TMTC2: variants seen among roughly 807,000 people sequenced by gnomAD.
The protein encoded by TMTC2 is protein O-mannosyl-transferase TMTC2.
In TMTC2, 43 loss-of-function variants were observed where a neutral mutation model predicts 82.4. The observed-to-expected ratio is 0.52, with a 90% confidence interval of 0.41 to 0.67. TMTC2 has a LOEUF of 0.67. Among genes scored for constraint, TMTC2 ranks in the 30% least tolerant of loss-of-function variants. TMTC2 has a pLI of 0.00. For synonymous variants in TMTC2, 408 were observed against 381.9 expected (o/e 1.07, Z -0.80); for missense variants, 919 against 1,012.4 (o/e 0.91, Z 1.25).
At chr12:82,953,609 G>A (rs1360594211) in intron 4 of TMTC2, among the ~76,000 whole-genome samples, 1 of 151,962 alleles carries the variant, frequency 6.6e-6, no homozygotes, top group Non-Finnish European at 1.5e-5. Context: ...ATAATTCTTG[G>A]GAAAAAAGTG....
chr12:82,847,627 G>A (rs1870756800), intron 1 of TMTC2, among the ~76,000 whole-genome samples: 1 of 152,146 alleles, frequency 6.6e-6, no homozygotes, highest in African/African-American at 2.4e-5. Context: ...AACAAAGGAT[G>A]AATTCATGTC....
intron 2 of TMTC2, among the ~76,000 whole-genome samples, chr12:82,882,591 T>A (rs2137157720): frequency 6.6e-6 from 1 of 152,206 alleles, no homozygotes; most frequent in South Asian, 2.1e-4. Flanking sequence ...CTCAGCGGCC[T>A]TTTAAGGATT....
At chr12:82,820,384 T>C (rs1434806176) in intron 1 of TMTC2, among the ~76,000 whole-genome samples, 1 of 152,096 alleles carries the variant, frequency 6.6e-6, no homozygotes, top group African/African-American at 2.4e-5. Context: ...TCTCTTTTTT[T>C]TTTCGAGACA....
chr12:82,850,626 G>A (rs1186284536), intron 1 of TMTC2, among the ~76,000 whole-genome samples: 1 of 152,142 alleles, frequency 6.6e-6, no homozygotes, highest in African/African-American at 2.4e-5. Context: ...GAAAAGTAAT[G>A]AGAAGAGTAA....
In TMTC2 at chr12:82,930,425, T is replaced by A; in HGVS notation, c.1484-6T>A. 6.4e-7 allele frequency: 1 copy of A among 1,564,420 alleles called. No individual in the cohort carries two copies. Among genetic ancestry groups the A allele is most frequent in the Non-Finnish European group, 8.7e-7 (1 of 1,146,564 alleles). On this transcript the variant is annotated splice_region_variant and splice_polypyrimidine_tract_variant and intron_variant, in intron 3 of 11. Transcript: ENST00000321196. ...CAGTCTGAAAATTTCTTTTTCTTCT[T>A]GGCAGCATGGGGTAACCTTGGAAAT...
intron 1 of TMTC2, among the ~76,000 whole-genome samples, chr12:82,827,956 G>A (rs530213689): frequency 2.7e-5 from 4 of 150,062 alleles, no homozygotes; most frequent in Non-Finnish European, 5.9e-5. Flanking sequence ...GCAGTGGCAC[G>A]ATCTCGGCTC....
intron 1 of TMTC2, among the ~76,000 whole-genome samples, chr12:82,695,822 C>T (rs1048491814): frequency 2.0e-5 from 3 of 152,264 alleles, no homozygotes; most frequent in East Asian, 1.9e-4. Context: ...AGAACCATTC[C>T]GAAGAAGGGG....
At chr12:83,006,052 G>C (rs547259263) in intron 8 of TMTC2, among the ~76,000 whole-genome samples, 6 of 152,170 alleles carry the variant, frequency 3.9e-5, no homozygotes, top group African/African-American at 1.4e-4. Context: ...CCCCCTACCA[G>C]CTCAACTGTC....
intron 10 of TMTC2, 77 bp from the exon 11 acceptor site, chr12:83,061,691 A>G (rs1484507673): frequency 1.0e-4 from 135 of 1,297,698 alleles, no homozygotes; most frequent in Non-Finnish European, 1.4e-4. Context: ...AAAAATTAAC[A>G]TTATTTTACT....
intron 7 of TMTC2, among the ~76,000 whole-genome samples, chr12:82,981,453 C>T (rs1878915565): frequency 6.6e-6 from 1 of 151,814 alleles, no homozygotes; most frequent in African/African-American, 2.4e-5. Flanking sequence ...TTATGTCTGC[C>T]TGAAGCCAGC....
chr12:83,121,593 C>A (rs1884948651), intron 11 of TMTC2, among the ~76,000 whole-genome samples: 1 of 152,016 alleles, frequency 6.6e-6, no homozygotes, highest in South Asian at 2.1e-4. Context: ...GGGTTCTTAG[C>A]TTTGGTGGTT....
intron 1 of TMTC2, among the ~76,000 whole-genome samples, chr12:82,819,416 A>G (rs1868945337): frequency 6.6e-6 from 1 of 151,384 alleles, no homozygotes; most frequent in African/African-American, 2.4e-5. Flanking sequence ...TCTCCAGTTT[A>G]TCATGGTTCC....
At chr12:82,697,773 A>T (rs1186205898) in intron 1 of TMTC2, among the ~76,000 whole-genome samples, 2 of 152,220 alleles carry the variant, frequency 1.3e-5, no homozygotes, top group Non-Finnish European at 2.9e-5. Flanking sequence ...ACTGATACGC[A>T]GTTGCCTAGG....
At chr12:83,093,314 C>G (rs1369730569) in intron 11 of TMTC2, among the ~76,000 whole-genome samples, 1 of 152,116 alleles carries the variant, frequency 6.6e-6, no homozygotes, top group Admixed American at 6.5e-5. Flanking sequence ...CTGCCCTTGT[C>G]TGAACTTGAC....
chr12:82,715,575 A>G (rs184765740), intron 1 of TMTC2, among the ~76,000 whole-genome samples: 2 of 152,342 alleles, frequency 1.3e-5, no homozygotes, highest in East Asian at 3.9e-4. Context: ...TTCTTCCTGC[A>G]GTAAGAGTTC....
At chr12:82,961,192 CTATTATTATTATTATTATTAT>C (rs139490507) in intron 4 of TMTC2, among the ~76,000 whole-genome samples, 1 of 146,234 alleles carries the variant, frequency 6.8e-6, no homozygotes, top group African/African-American at 2.5e-5. Context: ...TTCTCTGCCA[CTATTATTATTATTATTATTAT>C]TATTATTATT....
At chr12:82,840,713 T>C (rs1870286016) in intron 1 of TMTC2, among the ~76,000 whole-genome samples, 1 of 152,188 alleles carries the variant, frequency 6.6e-6, no homozygotes, top group Non-Finnish European at 1.5e-5. Flanking sequence ...TCCAAGTATA[T>C]GAATTTGGGG....
At chr12:82,779,478 T>G (rs1475046648) in intron 1 of TMTC2, among the ~76,000 whole-genome samples, 1 of 152,158 alleles carries the variant, frequency 6.6e-6, no homozygotes, top group African/African-American at 2.4e-5. Flanking sequence ...AAGATAAACT[T>G]ATGATTAATA....
Position 83,132,198 on chromosome 12 carries a change from C to A in TMTC2, c.2332-12C>A. 1 of 1,579,092 alleles carries A rather than the reference C, an allele frequency of 6.3e-7. No homozygotes were observed. The highest frequency in any genetic ancestry group is 8.6e-7 in the Non-Finnish European group (1 of 1,165,798). On this transcript the variant is annotated splice_polypyrimidine_tract_variant and intron_variant, in intron 11 of 11. Transcript: ENST00000321196. ...GGCCTCCTAATTGTTTTCCTTCTTT[C>A]TCTTGTTGCAGTATCCGGCTGCTTT... is the stretch of plus-strand genomic sequence containing the variant.
Sources: gnomAD v4.1 joint callset for allele counts (sites outside exome capture counted in the v4.1 genomes callset) on GRCh38, gnomAD v4.1.1 for gene constraint, MANE v1.5 for transcripts, NCBI Gene and HGNC (gene_info 2026-07-23, HGNC 2026-07-21) for gene names.